The following PRKN variants were observed in gnomAD, a reference collection of about 807,000 sequenced individuals.
The protein encoded by PRKN is E3 ubiquitin-protein ligase parkin.
In PRKN, 56 loss-of-function variants were observed where a neutral mutation model predicts 59.5. The observed-to-expected ratio is 0.94, with a 90% CI of 0.76 to 1.18. The LOEUF (loss-of-function observed/expected upper bound fraction) is 1.18, where lower values mean the gene tolerates loss of function less well. Among genes scored for constraint, PRKN ranks in the 50% most tolerant of loss-of-function variants. The probability of loss-of-function intolerance (pLI) is 0.00; values close to 1 mark genes in which losing one functional copy is unlikely to be tolerated. For missense variants in PRKN, 657 were observed against 596.4 expected, an observed-to-expected ratio of 1.10 and a Z score of -1.06; for synonymous variants, 250 against 222.1, an observed-to-expected ratio of 1.13 and a Z score of -1.12.
intron 7 of PRKN, among the ~76,000 whole-genome samples, chr6:161,770,592 C>T (rs879208991): frequency 2.6e-5 from 4 of 151,972 alleles, no homozygotes; most frequent in Admixed American, 1.3e-4. Context: ...CTCAGCCTCC[C>T]GAGTAGCTGG....
chr6:162,136,605 T>C (rs1781571643), intron 4 of PRKN, among the ~76,000 whole-genome samples: 1 of 152,238 alleles, frequency 6.6e-6, no homozygotes, highest in Admixed American at 6.5e-5. Context: ...ATGGGGTCTA[T>C]GCCTCCTTGG....
At chr6:162,096,946 A>T (rs1779768011) in intron 4 of PRKN, among the ~76,000 whole-genome samples, 1 of 136,396 alleles carries the variant, frequency 7.3e-6, no homozygotes, top group South Asian at 2.2e-4. Context: ...GGCTCAGTGC[A>T]ACCTCTGCCT....
intron 5 of PRKN, among the ~76,000 whole-genome samples, chr6:161,997,415 A>G (rs6455790): frequency 0.48 from 72,401 of 151,724 alleles, 17,493 homozygotes; most frequent in East Asian, 0.6. Flanking sequence ...ACTGGACATC[A>G]TTTACAACTT....
intron 7 of PRKN, among the ~76,000 whole-genome samples, chr6:161,781,807 C>T (rs1175688384): frequency 6.6e-6 from 1 of 152,166 alleles, no homozygotes; most frequent in Non-Finnish European, 1.5e-5. Context: ...ATCCTAAACA[C>T]ATGAAAAGAT....
rs377554392 is a variant in PRKN, at chr6:161,785,839, A to T, written c.804T>A (p.Cys268Ter). The T allele has an allele frequency of 8.1e-6, 13 of 1,614,148 alleles. No individual in the cohort carries two copies. Among genetic ancestry groups the T allele is most frequent in the Non-Finnish European group, 1.0e-5 (12 of 1,179,996 alleles). ...ACTGCCGATCATTGAGTCTTGTCAC[A>T]CAGTATAAGTGGAAACAGTCTAAGC... Reference protein sequence around the residue: ...VICLDCFHLYCVTRLNDRQFV... With the variant: ...VICLDCFHLY Residue 268 changes from cysteine (C) to a stop codon, truncating the protein, a stop_gained, in exon 7 of 12, where the codon TGT becomes TGA. Coordinates refer to ENST00000366898, the MANE Select transcript of PRKN (RefSeq NM_004562.3). LOFTEE classifies it high-confidence loss of function.
In PRKN at chr6:161,963,939, A is replaced by G. The variant is rs945606163; in HGVS notation, c.734+9363T>C. Reference sequence around the variant, plus strand: ...CTTGGAGGCAGCTCTGTATTTTTCTACTCTTACTGGTTTTTAAAGACAGAC... The same window carrying G: ...CTTGGAGGCAGCTCTGTATTTTTCTGCTCTTACTGGTTTTTAAAGACAGAC... On this transcript the variant is annotated intron_variant, in intron 6 of 11. Transcript: ENST00000366898. Among the ~76,000 whole-genome samples the G allele has an allele frequency of 6.0e-5, 9 of 150,744 alleles. No individual in the cohort carries two copies. The East Asian group carries it at 1.4e-3, about 23-fold the overall frequency.
chr6:162,083,100 G>A (rs1261107195), intron 4 of PRKN, among the ~76,000 whole-genome samples: 1 of 151,960 alleles, frequency 6.6e-6, no homozygotes, highest in African/African-American at 2.4e-5. Flanking sequence ...GATTACAGGT[G>A]CCTGCCAACA....
chr6:161,391,488 C>T lies in PRKN; in HGVS notation c.1084-4611G>A, dbSNP rs529981479. Among the ~76,000 whole-genome samples, 1 of 144,114 alleles carries T rather than the reference C, an allele frequency of 6.9e-6. No individual in the cohort carries two copies. The highest frequency in any genetic ancestry group is 2.6e-4 in the South Asian group (1 of 3,920). The allele number at this position is 144,114 out of a possible 152,430, so 94.5% of individuals were successfully genotyped here. A position where few individuals can be genotyped will look rare whatever the true frequency, so the allele number is the denominator to read the frequency against. On this transcript the variant is annotated intron_variant, in intron 9 of 11. Transcript: ENST00000366898. The surrounding 1 kb of genome is among the most constrained non-coding windows in gnomAD (Gnocchi z 4.9). ...GTCTTTAAACAATCATAAAATAATACATACTTATTTCATTGGCTCTCTAAA... is the reference window on the plus strand; with the variant it reads ...GTCTTTAAACAATCATAAAATAATATATACTTATTTCATTGGCTCTCTAAA...
intron 7 of PRKN, among the ~76,000 whole-genome samples, chr6:161,724,540 T>C (rs1315551880): frequency 5.9e-5 from 9 of 152,206 alleles, no homozygotes; most frequent in African/African-American, 7.2e-5. Context: ...CAAATTTTGA[T>C]TTGTCCAAAG....
intron 6 of PRKN, among the ~76,000 whole-genome samples, chr6:161,957,325 A>G (rs983981652): frequency 5.3e-5 from 8 of 152,244 alleles, no homozygotes; most frequent in Non-Finnish European, 1.2e-4. Context: ...GGGTAAGGGT[A>G]AATGACTAGT....
intron 7 of PRKN, among the ~76,000 whole-genome samples, chr6:161,594,852 G>A (rs1254013443): frequency 1.3e-5 from 2 of 152,058 alleles, no homozygotes; most frequent in African/African-American, 4.8e-5. Context: ...AAGAAAATAA[G>A]GAAACAAGTG....
At chr6:161,653,478 A>G (rs1460529813) in intron 7 of PRKN, among the ~76,000 whole-genome samples, 1 of 152,142 alleles carries the variant, frequency 6.6e-6, no homozygotes, top group Admixed American at 6.5e-5. Context: ...GAAAACCGCC[A>G]TCATCAGTAT....
At chr6:162,077,994 C>T (rs1205259792) in intron 4 of PRKN, among the ~76,000 whole-genome samples, 1 of 114,728 alleles carries the variant, frequency 8.7e-6, no homozygotes, top group Non-Finnish European at 1.7e-5. Flanking sequence ...GAGAGAGACT[C>T]TCTCTCTAAA....
chr6:161,564,287 T>G (rs73593459), intron 8 of PRKN, among the ~76,000 whole-genome samples: 13 of 152,140 alleles, frequency 8.5e-5, no homozygotes, highest in Non-Finnish European at 1.6e-4. Context: ...CTGACTGATA[T>G]GCCCTGTTCA....
intron 1 of PRKN, among the ~76,000 whole-genome samples, chr6:162,662,023 T>C (rs1040776608): frequency 6.6e-6 from 1 of 152,182 alleles, no homozygotes; most frequent in South Asian, 2.1e-4. Context: ...CATGTGTACA[T>C]GTTTAGCCCC....
At chr6:162,615,717 G>A (rs1782380890) in intron 1 of PRKN, among the ~76,000 whole-genome samples, 1 of 152,168 alleles carries the variant, frequency 6.6e-6, no homozygotes. Flanking sequence ...TGCCAGCATT[G>A]AGATCTGCTT....
chr6:161,672,275 C>A (rs1351163420), intron 7 of PRKN, among the ~76,000 whole-genome samples: 2 of 152,120 alleles, frequency 1.3e-5, no homozygotes, highest in Non-Finnish European at 2.9e-5. Context: ...AAACCCTGAA[C>A]ACCATTAATT....
rs976649345 is a variant in PRKN at position 161,385,358 on chromosome 6, T to A, written c.1167+1436A>T. On this transcript the variant is annotated intron_variant, in intron 10 of 11. Transcript: ENST00000366898. The surrounding 1 kb of genome is among the most constrained non-coding windows in gnomAD (Gnocchi z 4.9). ...TTCCCCCGATGCTGGACATCTATGGTTTAGGTCATCTCTAACTTTCTTTTT... is the reference window on the plus strand; with the variant it reads ...TTCCCCCGATGCTGGACATCTATGGATTAGGTCATCTCTAACTTTCTTTTT... Among the ~76,000 whole-genome samples, 3 of 152,308 alleles carry A rather than the reference T, an allele frequency of 2.0e-5. No individual in the cohort carries two copies. The highest frequency in any genetic ancestry group is 6.5e-5 in the Admixed American group (1 of 15,296).
chr6:162,143,834 C>T (rs541704762), intron 4 of PRKN, among the ~76,000 whole-genome samples: 3 of 152,126 alleles, frequency 2.0e-5, no homozygotes, highest in East Asian at 3.9e-4. Flanking sequence ...AGGAGTGAAG[C>T]GACGGGCTGC....
Sources: gnomAD v4.1 joint callset for allele counts (sites outside exome capture counted in the v4.1 genomes callset) on GRCh38, gnomAD v4.1.1 for gene constraint, Gnocchi (gnomAD v3.1) non-coding constraint, MANE v1.5 for transcripts, NCBI Gene and HGNC (gene_info 2026-07-23, HGNC 2026-07-21) for gene names.